The following RORA variants were observed in gnomAD, a reference collection of about 807,000 sequenced individuals.
RORA encodes the protein nuclear receptor ROR-alpha.
A neutral mutation model predicts 69.5 loss-of-function variants in RORA; 7 were observed. The ratio of observed to expected loss-of-function variants is 0.10; its 90% CI spans 0.06 to 0.19. RORA has a LOEUF of 0.19. Ranked by LOEUF, RORA falls within the 10% of genes least tolerant of loss-of-function variation. The probability of loss-of-function intolerance (pLI) is 1.00; values close to 1 mark genes in which losing one functional copy is unlikely to be tolerated. For missense variants in RORA, 457 were observed against 663.0 expected (o/e 0.69, Z 3.41); for synonymous variants, 261 against 240.8 (o/e 1.08, Z -0.78).
At chr15:60,781,258 C>T (rs988304025) in intron 1 of RORA, among the ~76,000 whole-genome samples, 7 of 152,052 alleles carry the variant, frequency 4.6e-5, no homozygotes, top group African/African-American at 7.2e-5. Context: ...CTCTGGTGCC[C>T]GCAGCTTTCA....
chr15:60,501,928 T>C (rs1020955918), intron 8 of RORA, among the ~76,000 whole-genome samples: 10 of 152,224 alleles, frequency 6.6e-5, no homozygotes, highest in East Asian at 1.9e-4. Context: ...TAGATACTTA[T>C]CCATTCTTCT....
chr15:61,090,825 T>A (rs750154344), intron 1 of RORA, among the ~76,000 whole-genome samples: 1 of 152,104 alleles, frequency 6.6e-6, no homozygotes, highest in Non-Finnish European at 1.5e-5. Context: ...CCACTGTTAT[T>A]CACCCCTGCC....
At chr15:61,049,474 T>TA (rs765044129) in intron 1 of RORA, among the ~76,000 whole-genome samples, 2 of 152,082 alleles carry the variant, frequency 1.3e-5, no homozygotes, top group Non-Finnish European at 2.9e-5. Context: ...GATGCTACCA[T>TA]AAAAAATACA....
intron 2 of RORA, among the ~76,000 whole-genome samples, chr15:60,596,264 G>T (rs2140537246): frequency 6.6e-6 from 1 of 152,206 alleles, no homozygotes; most frequent in South Asian, 2.1e-4. Flanking sequence ...TGATGCATGT[G>T]AGGCACAGCA....
chr15:60,725,389 G>A (rs1261537486), intron 1 of RORA, among the ~76,000 whole-genome samples: 1 of 151,988 alleles, frequency 6.6e-6, no homozygotes, highest in African/African-American at 2.4e-5. Flanking sequence ...TTAGTTCATG[G>A]CACCCATGTT....
chr15:61,043,028 G>A (rs1896858137), intron 1 of RORA, among the ~76,000 whole-genome samples: 1 of 152,210 alleles, frequency 6.6e-6, no homozygotes. Flanking sequence ...GGCTGAGAGT[G>A]ATGGACATGG....
chr15:61,086,484 C>T (rs2140683883), intron 1 of RORA, among the ~76,000 whole-genome samples: 1 of 152,264 alleles, frequency 6.6e-6, no homozygotes, highest in South Asian at 2.1e-4. Flanking sequence ...AAAATCTTTG[C>T]TATATTGAGT....
chr15:61,148,808 G>A (rs2079373453), intron 1 of RORA, among the ~76,000 whole-genome samples: 1 of 152,180 alleles, frequency 6.6e-6, no homozygotes, highest in Non-Finnish European at 1.5e-5. Context: ...TGACTAGGCC[G>A]AGGGGAAAGG....
At chr15:60,935,139 C>G (rs1362262835) in intron 1 of RORA, among the ~76,000 whole-genome samples, 2 of 152,190 alleles carry the variant, frequency 1.3e-5, no homozygotes, top group African/African-American at 2.4e-5. Flanking sequence ...ACACTGTGTA[C>G]TACAGAGGAC....
rs340000 is a variant in RORA at position 60,657,652 on chromosome 15, C to T, written c.196+21005G>A. ...ACTTCCCTGTGTTCACCTGTCCAAT[C>T]GTTGACTCCTCTGCAGAATTATTCT... is the stretch of plus-strand genomic sequence containing the variant. On this transcript the variant is annotated intron_variant, in intron 2 of 10. Transcript: ENST00000335670. Among the ~76,000 whole-genome samples the T allele has an allele frequency of 4.9e-3, 752 of 152,292 alleles. 3 individuals carry two copies. Among genetic ancestry groups the T allele is most frequent in the African/African-American group, 0.016 (660 of 41,566 alleles).
intron 2 of RORA, among the ~76,000 whole-genome samples, chr15:60,630,939 T>A (rs551238031): frequency 1.6e-5 from 2 of 125,868 alleles, no homozygotes; most frequent in African/African-American, 6.3e-5. Context: ...CAAGCTGGAG[T>A]ACAGTGGCAC....
chr15:61,223,591 T>G (rs2080118847), intron 1 of RORA, among the ~76,000 whole-genome samples: 1 of 152,234 alleles, frequency 6.6e-6, no homozygotes, highest in Non-Finnish European at 1.5e-5. Flanking sequence ...TGACACTGTG[T>G]CCATTTACAG....
At chr15:60,694,778 G>C (rs2070878350) in intron 1 of RORA, among the ~76,000 whole-genome samples, 1 of 152,108 alleles carries the variant, frequency 6.6e-6, no homozygotes, top group Non-Finnish European at 1.5e-5. Flanking sequence ...TTACAAATTG[G>C]TAAATCAACC....
At chr15:61,144,860 G>T (rs556026642) in intron 1 of RORA, among the ~76,000 whole-genome samples, 12 of 152,272 alleles carry the variant, frequency 7.9e-5, no homozygotes, top group Admixed American at 3.3e-4. Context: ...CTTTGGGGGA[G>T]TATGTCTGGA....
At chr15:61,112,450 G>T (rs2079015358) in intron 1 of RORA, among the ~76,000 whole-genome samples, 3 of 152,086 alleles carry the variant, frequency 2.0e-5, no homozygotes, top group Admixed American at 2.0e-4. Context: ...CTCCCCCAGG[G>T]GGAGTGGCAT....
intron 1 of RORA, among the ~76,000 whole-genome samples, chr15:60,820,700 G>A (rs1450065218): frequency 6.6e-6 from 1 of 152,118 alleles, no homozygotes; most frequent in Non-Finnish European, 1.5e-5. Context: ...AACAACACAG[G>A]TTTCCCCTAA....
intron 3 of RORA, among the ~76,000 whole-genome samples, chr15:60,525,757 C>T (rs1334161431): frequency 6.6e-6 from 1 of 152,022 alleles, no homozygotes; most frequent in Non-Finnish European, 1.5e-5. Flanking sequence ...ACGTCTGAGA[C>T]TAAGAAAAGT....
At chr15:61,059,907 CG>C (rs2078148511) in intron 1 of RORA, among the ~76,000 whole-genome samples, 3 of 126,978 alleles carry the variant, frequency 2.4e-5, no homozygotes, top group South Asian at 2.6e-4. Flanking sequence ...CAGTTCCACA[CG>C]AAGAAGAAGA....
chr15:60,938,898 T>C (rs1339016573), intron 1 of RORA, among the ~76,000 whole-genome samples: 1 of 152,234 alleles, frequency 6.6e-6, no homozygotes, highest in Non-Finnish European at 1.5e-5. Context: ...GTAATATCTG[T>C]GAATTAAATA....
Sources: gnomAD v4.1 joint callset for allele counts (sites outside exome capture counted in the v4.1 genomes callset) on GRCh38, gnomAD v4.1.1 for gene constraint, MANE v1.5 for transcripts, NCBI Gene and HGNC (gene_info 2026-07-23, HGNC 2026-07-21) for gene names.